CCSER1: variants seen among roughly 807,000 people sequenced by gnomAD.
The protein encoded by CCSER1 is coiled-coil serine rich protein 1.
CCSER1 carries 41 observed loss-of-function variants against 82.0 expected under a neutral mutation model. The ratio of observed to expected loss-of-function variants is 0.50; its 90% CI spans 0.39 to 0.65. The LOEUF is 0.65. Among genes scored for constraint, CCSER1 ranks in the 30% least tolerant of loss-of-function variants. CCSER1 has a pLI of 0.00. For missense variants in CCSER1, 1,119 were observed against 1,064.2 expected (o/e 1.05, Z -0.72); for synonymous variants, 414 against 383.9 (o/e 1.08, Z -0.92).
intron 10 of CCSER1, among the ~76,000 whole-genome samples, chr4:91,353,684 A>G (rs1207525458): frequency 6.6e-6 from 1 of 152,094 alleles, no homozygotes; most frequent in Non-Finnish European, 1.5e-5. Flanking sequence ...CAATAGATTG[A>G]TAGTGATTTA....
chr4:90,532,110 A>G (rs112586614), intron 5 of CCSER1, among the ~76,000 whole-genome samples: 3 of 152,300 alleles, frequency 2.0e-5, no homozygotes, highest in African/African-American at 7.2e-5. Flanking sequence ...GCTATATAGT[A>G]TCTTTATAAA....
At chr4:91,461,633 A>G (rs1343472088) in intron 10 of CCSER1, among the ~76,000 whole-genome samples, 2 of 152,004 alleles carry the variant, frequency 1.3e-5, no homozygotes, top group African/African-American at 4.8e-5. Context: ...GGAGCTCTTT[A>G]TTAGTAAAAT....
At chr4:91,501,745 C>T (rs568001040) in intron 10 of CCSER1, among the ~76,000 whole-genome samples, 1 of 152,074 alleles carries the variant, frequency 6.6e-6, no homozygotes, top group South Asian at 2.1e-4. Flanking sequence ...ACAACATCAA[C>T]AAGAAACTAC....
At chr4:90,439,164 G>A (rs541441315) in intron 4 of CCSER1, among the ~76,000 whole-genome samples, 71 of 152,132 alleles carry the variant, frequency 4.7e-4, no homozygotes, top group African/African-American at 1.5e-3. Flanking sequence ...GTGGGCACCT[G>A]TGGTCCCAGC....
intron 7 of CCSER1, among the ~76,000 whole-genome samples, chr4:90,752,053 A>C (rs1306281830): frequency 1.3e-5 from 2 of 152,124 alleles, no homozygotes; most frequent in East Asian, 3.8e-4. Context: ...AAAGGTAGCT[A>C]TATTACAAGC....
chr4:90,836,030 A>G (rs1294025761), intron 8 of CCSER1, among the ~76,000 whole-genome samples: 1 of 152,214 alleles, frequency 6.6e-6, no homozygotes, highest in Non-Finnish European at 1.5e-5. Flanking sequence ...AAACATTCTC[A>G]TTTTGGTAGC....
At chr4:90,812,822 C>G (rs903739671) in intron 7 of CCSER1, among the ~76,000 whole-genome samples, 1 of 152,008 alleles carries the variant, frequency 6.6e-6, no homozygotes, top group Non-Finnish European at 1.5e-5. Context: ...CACTTTTAAG[C>G]CATCAGATCT....
chr4:90,955,655 A>T, intron 9 of CCSER1, among the ~76,000 whole-genome samples: 1 of 152,124 alleles, frequency 6.6e-6, no homozygotes. Flanking sequence ...TACTATTTAT[A>T]TTATCTGACT....
chr4:91,024,717 T>G (rs1740333340), intron 9 of CCSER1, among the ~76,000 whole-genome samples: 1 of 152,092 alleles, frequency 6.6e-6, no homozygotes, highest in Non-Finnish European at 1.5e-5. Flanking sequence ...TTTTGTTCAA[T>G]AAGAGTTTTA....
intron 10 of CCSER1, among the ~76,000 whole-genome samples, chr4:91,366,686 A>C (rs1749638290): frequency 6.6e-6 from 1 of 152,190 alleles, no homozygotes; most frequent in African/African-American, 2.4e-5. Context: ...CAAATTTAGA[A>C]TTACAGGACT....
intron 5 of CCSER1, among the ~76,000 whole-genome samples, chr4:90,469,524 AACAC>A (rs3971380): frequency 0.017 from 2,382 of 136,280 alleles, 32 homozygotes; most frequent in African/African-American, 0.035. Context: ...TTTCCTGCAA[AACAC>A]ACACACACAC....
chr4:90,469,518 C>T (rs1003784363), intron 5 of CCSER1, among the ~76,000 whole-genome samples: 1 of 141,118 alleles, frequency 7.1e-6, no homozygotes, highest in Admixed American at 7.2e-5. Flanking sequence ...ATGTGTTTTC[C>T]TGCAAAACAC....
intron 10 of CCSER1, among the ~76,000 whole-genome samples, chr4:91,218,149 G>T (rs942393734): frequency 2.6e-5 from 4 of 152,246 alleles, no homozygotes; most frequent in African/African-American, 7.2e-5. Context: ...GAGAAATCGA[G>T]CACAGCACGG....
At chr4:90,804,409 T>C (rs1220877777) in intron 7 of CCSER1, among the ~76,000 whole-genome samples, 1 of 150,896 alleles carries the variant, frequency 6.6e-6, no homozygotes, top group African/African-American at 2.4e-5. Flanking sequence ...AGGAAGGGGG[T>C]CCAGTTTCAG....
At chr4:90,654,335 A>G (rs997305849) in intron 6 of CCSER1, among the ~76,000 whole-genome samples, 3 of 152,158 alleles carry the variant, frequency 2.0e-5, no homozygotes, top group African/African-American at 7.2e-5. Context: ...CTGTATTACA[A>G]AAAAAGGAAT....
chr4:91,154,380 A>G (rs967786310), intron 10 of CCSER1, among the ~76,000 whole-genome samples: 1 of 152,056 alleles, frequency 6.6e-6, no homozygotes, highest in Admixed American at 6.5e-5. Flanking sequence ...TTACTGTGGG[A>G]GTGACCTGAA....
chr4:91,407,396 G>A (rs907605854), intron 10 of CCSER1, among the ~76,000 whole-genome samples: 2 of 152,120 alleles, frequency 1.3e-5, no homozygotes, highest in Admixed American at 6.6e-5. Flanking sequence ...GGGTTGAAAT[G>A]AACTCTTTAC....
intron 10 of CCSER1, among the ~76,000 whole-genome samples, chr4:91,416,823 G>A (rs1467322020): frequency 6.6e-6 from 1 of 152,094 alleles, no homozygotes; most frequent in Non-Finnish European, 1.5e-5. Flanking sequence ...CATGTCAAAA[G>A]GAATTGCAAC....
intron 1 of CCSER1, among the ~76,000 whole-genome samples, chr4:90,208,263 T>C (rs1028282953): frequency 1.3e-5 from 2 of 152,164 alleles, no homozygotes; most frequent in African/African-American, 4.8e-5. Context: ...GCAGTTGGCT[T>C]CACCCAGTTC....
Sources: gnomAD v4.1 joint callset for allele counts (sites outside exome capture counted in the v4.1 genomes callset) on GRCh38, gnomAD v4.1.1 for gene constraint, MANE v1.5 for transcripts, NCBI Gene and HGNC (gene_info 2026-07-23, HGNC 2026-07-21) for gene names.